PRKCE: variants seen among roughly 807,000 people sequenced by gnomAD.
PRKCE encodes protein kinase C epsilon type.
Under a neutral mutation model 85.4 loss-of-function variants are expected in PRKCE, and 16 were observed. The ratio of observed to expected loss-of-function variants is 0.19; its 90% CI spans 0.13 to 0.28. PRKCE has a LOEUF of 0.28. Ranked by LOEUF, PRKCE falls within the 10% of genes least tolerant of loss-of-function variation. PRKCE has a pLI of 1.00. For synonymous variants in PRKCE, 388 were observed against 371.5 expected, an observed-to-expected ratio of 1.04 and a Z score of -0.51; for missense variants, 573 against 975.2, an observed-to-expected ratio of 0.59 and a Z score of 5.49.
chr2:45,967,078 G>A (rs1002954957), intron 2 of PRKCE, among the ~76,000 whole-genome samples: 8 of 152,146 alleles, frequency 5.3e-5, no homozygotes, highest in African/African-American at 1.7e-4. Context: ...GGTGGTAAAT[G>A]TTTAACAACA....
At position 45,862,495 on chromosome 2, in the gene PRKCE, G is replaced by A. The variant is rs745925372; in HGVS notation, c.412+19432G>A. 3.9e-5 allele frequency among the ~76,000 whole-genome samples: 6 copies of A among 152,208 alleles called. No homozygotes were observed. In the South Asian group the frequency reaches 1.2e-3, roughly 32 times the overall value. On this transcript the variant is annotated intron_variant, in intron 2 of 14. Transcript: ENST00000306156. ...AGCTCCTCTAACCAGACTGTCAGAA[G>A]TGAGCATGGTACTGTGTACAAGAAT...
At chr2:45,728,577 G>A (rs1261450264) in intron 1 of PRKCE, among the ~76,000 whole-genome samples, 3 of 152,098 alleles carry the variant, frequency 2.0e-5, no homozygotes, top group Non-Finnish European at 2.9e-5. Context: ...TGGAATCTTT[G>A]TATCTTAGTC....
At chr2:46,022,946 G>A (rs542388574) in intron 10 of PRKCE, among the ~76,000 whole-genome samples, 6 of 151,938 alleles carry the variant, frequency 3.9e-5, no homozygotes, top group Admixed American at 1.3e-4. Context: ...AGCCGGGCGC[G>A]GTGGCGGGCG....
chr2:45,920,847 G>A (rs940813159), intron 2 of PRKCE, among the ~76,000 whole-genome samples: 1 of 152,194 alleles, frequency 6.6e-6, no homozygotes, highest in African/African-American at 2.4e-5. Context: ...AAACAATTGA[G>A]TTGTACACTT....
chr2:46,057,302 T>C (rs1382351199), intron 10 of PRKCE, among the ~76,000 whole-genome samples: 3 of 152,254 alleles, frequency 2.0e-5, no homozygotes, highest in Non-Finnish European at 4.4e-5. Context: ...AACATTCCTG[T>C]AACGATCTTG....
At chr2:46,125,040 C>T (rs1673713521) in intron 11 of PRKCE, among the ~76,000 whole-genome samples, 1 of 152,166 alleles carries the variant, frequency 6.6e-6, no homozygotes, top group East Asian at 1.9e-4. Context: ...ACTGATTGCC[C>T]AGTACTTTCT....
In PRKCE at chr2:45,958,190, C is replaced by CA. The variant is rs60711691; in HGVS notation, c.413-18216dup. On this transcript the variant is annotated intron_variant, in intron 2 of 14. Transcript: ENST00000306156. ...TAATAAACCTAATCTATTAGGCCCG[C>CA]AAAAAAAAAAAAAAAAAAAAAAAGA... Among the ~76,000 whole-genome samples, 177 of 110,030 alleles carry CA rather than the reference C, an allele frequency of 1.6e-3. 4 individuals carry two copies. The highest frequency in any genetic ancestry group is 0.014 in the Middle Eastern group (3 of 222). The allele number at this position is 110,030 out of a possible 152,430, so 72.2% of individuals were successfully genotyped here. A position where few individuals can be genotyped will look rare whatever the true frequency, so the allele number is the denominator to read the frequency against.
chr2:46,067,946 G>T (rs1315839636), intron 10 of PRKCE, among the ~76,000 whole-genome samples: 2 of 152,148 alleles, frequency 1.3e-5, no homozygotes, highest in Non-Finnish European at 2.9e-5. Flanking sequence ...GGTCAGTATT[G>T]CAAGAGAATG....
intron 2 of PRKCE, among the ~76,000 whole-genome samples, chr2:45,957,741 C>T (rs771088558): frequency 5.9e-5 from 9 of 151,878 alleles, no homozygotes; most frequent in Non-Finnish European, 1.2e-4. Context: ...CAAGACCCCA[C>T]CTCTGTAAAT....
At chr2:45,703,020 T>TCC (rs1553382461) in intron 1 of PRKCE, among the ~76,000 whole-genome samples, 162 of 121,016 alleles carry the variant, frequency 1.3e-3, no homozygotes, top group South Asian at 1.8e-3. Context: ...AAAGCCTTTT[T>TCC]TCCCCCCCCG....
intron 1 of PRKCE, among the ~76,000 whole-genome samples, chr2:45,834,592 ATGTGTG>A (rs35972016): frequency 2.7e-5 from 4 of 149,252 alleles, no homozygotes; most frequent in East Asian, 2.0e-4. Flanking sequence ...GCATGTGTGT[ATGTGTG>A]TGTGTGTGTG....
chr2:45,706,988 G>A (rs1305535040), intron 1 of PRKCE, among the ~76,000 whole-genome samples: 3 of 152,282 alleles, frequency 2.0e-5, no homozygotes, highest in Non-Finnish European at 4.4e-5. Context: ...TGGAAATTGA[G>A]TCGATTTTCC....
chr2:45,781,650 G>T (rs952437867), intron 1 of PRKCE, among the ~76,000 whole-genome samples: 141 of 149,094 alleles, frequency 9.5e-4, no homozygotes, highest in African/African-American at 3.3e-3. Flanking sequence ...CCCGCCCCCC[G>T]GCCCCCGACA....
intron 6 of PRKCE, among the ~76,000 whole-genome samples, chr2:45,997,008 G>C (rs1704274191): frequency 6.6e-6 from 1 of 152,166 alleles, no homozygotes. Context: ...AGATAAGCCT[G>C]TTTGTACTGT....
intron 2 of PRKCE, among the ~76,000 whole-genome samples, chr2:45,971,640 A>T (rs1435695006): frequency 6.6e-6 from 1 of 152,218 alleles, no homozygotes; most frequent in East Asian, 1.9e-4. Flanking sequence ...ATGGTTTTTC[A>T]ATGTTTGTTG....
At chr2:45,724,422 G>C (rs538866792) in intron 1 of PRKCE, among the ~76,000 whole-genome samples, 83 of 152,246 alleles carry the variant, frequency 5.5e-4, no homozygotes, top group African/African-American at 1.9e-3. Context: ...GAGACAAAAT[G>C]ATATTGAAAT....
chr2:45,843,089 T>C lies in PRKCE; in HGVS notation c.412+26T>C, dbSNP rs773872917. 20 of 1,607,704 alleles carry C rather than the reference T, an allele frequency of 1.2e-5. No individual in the cohort carries two copies. In the Admixed American group the frequency reaches 3.3e-4, roughly 27 times the overall value. ...GTAGGAGAGCGTGACTTCTCATCCC[T>C]GTTTTCTTCCATTGGCCCTTTGCCT... On this transcript the variant is annotated intron_variant, in intron 2 of 14. Coordinates refer to ENST00000306156, the MANE Select transcript of PRKCE (RefSeq NM_005400.3).
At chr2:45,905,000 A>G (rs1273642848) in intron 2 of PRKCE, among the ~76,000 whole-genome samples, 1 of 152,258 alleles carries the variant, frequency 6.6e-6, no homozygotes, top group African/African-American at 2.4e-5. Context: ...TTGTACAGAC[A>G]GCGACAGGGG....
At chr2:45,839,287 G>A (rs1348940300) in intron 1 of PRKCE, among the ~76,000 whole-genome samples, 1 of 152,180 alleles carries the variant, frequency 6.6e-6, no homozygotes, top group Non-Finnish European at 1.5e-5. Flanking sequence ...GGACAAAATG[G>A]ATTCTGCCCT....
Sources: gnomAD v4.1 joint callset for allele counts (sites outside exome capture counted in the v4.1 genomes callset) on GRCh38, gnomAD v4.1.1 for gene constraint, MANE v1.5 for transcripts, NCBI Gene and HGNC (gene_info 2026-07-23, HGNC 2026-07-21) for gene names.